ENOX1: variants seen among roughly 807,000 people sequenced by gnomAD.
The protein encoded by ENOX1 is candidate growth-related and time keeping constitutive hydroquinone (NADH) oxidase.
A neutral mutation model predicts 82.5 loss-of-function variants in ENOX1; 42 were observed. That is an observed-to-expected ratio of 0.51 (90% confidence interval 0.40 to 0.66). The LOEUF is 0.66. Ranked by LOEUF, ENOX1 falls within the 30% of genes least tolerant of loss-of-function variation. The probability of loss-of-function intolerance (pLI) is 0.00; values close to 1 mark genes in which losing one functional copy is unlikely to be tolerated. For synonymous variants in ENOX1, 271 were observed against 282.2 expected, an observed-to-expected ratio of 0.96 and a Z score of 0.40; for missense variants, 608 against 811.6, an observed-to-expected ratio of 0.75 and a Z score of 3.05.
intron 2 of ENOX1, among the ~76,000 whole-genome samples, chr13:43,510,009 C>CA (rs960164489): frequency 1.3e-5 from 2 of 152,040 alleles, no homozygotes; most frequent in Non-Finnish European, 2.9e-5. Context: ...TGGTACACAT[C>CA]AGACGTCTGT....
chr13:43,361,498 T>C, intron 5 of ENOX1, 46 bp from the exon 6 acceptor site: 1 of 1,557,308 alleles, frequency 6.4e-7, no homozygotes, highest in Non-Finnish European at 8.6e-7. Context: ...TTAAATCCAT[T>C]TTTGTTGTTG....
intron 12 of ENOX1, among the ~76,000 whole-genome samples, chr13:43,276,914 C>T (rs933543985): frequency 1.3e-5 from 2 of 152,192 alleles, no homozygotes; most frequent in African/African-American, 4.8e-5. Context: ...TAGTTTAAAA[C>T]GTCATCTGCT....
At chr13:43,240,881 G>C (rs1001536162) in intron 14 of ENOX1, among the ~76,000 whole-genome samples, 1 of 152,170 alleles carries the variant, frequency 6.6e-6, no homozygotes. Context: ...GAGCAGGCTT[G>C]CTTACACTTG....
chr13:43,465,828 G>T (rs535944286), intron 3 of ENOX1, among the ~76,000 whole-genome samples: 1 of 152,252 alleles, frequency 6.6e-6, no homozygotes, highest in Non-Finnish European at 1.5e-5. Context: ...TATGGAAATT[G>T]TCCTGACAAT....
At chr13:43,569,393 C>G (rs1189271829) in intron 2 of ENOX1, among the ~76,000 whole-genome samples, 1 of 152,168 alleles carries the variant, frequency 6.6e-6, no homozygotes, top group Non-Finnish European at 1.5e-5. Context: ...AACTAGGGCA[C>G]TTTCATTAAT....
rs140139351 is a variant in ENOX1, at chr13:43,305,497, A to G, written c.1262-6967T>C. 3.5e-3 allele frequency among the ~76,000 whole-genome samples: 538 copies of G among 152,202 alleles called. 2 individuals are homozygous for G. The highest frequency in any genetic ancestry group is 0.01 in the Middle Eastern group (3 of 294). On this transcript the variant is annotated intron_variant, in intron 11 of 16. Transcript: ENST00000690772. ...TAATTTCGGGAGTGCAGGGTAAGCT[A>G]GATCCTGTTACGATGATGGCTTAAA... is the stretch of plus-strand genomic sequence containing the variant.
At chr13:43,564,292 TA>T (rs1442357778) in intron 2 of ENOX1, among the ~76,000 whole-genome samples, 1 of 152,052 alleles carries the variant, frequency 6.6e-6, no homozygotes, top group Non-Finnish European at 1.5e-5. Flanking sequence ...ACAGAGTCAA[TA>T]CAATCCCTTT....
At chr13:43,712,057 C>T (rs2087759407) in intron 1 of ENOX1, among the ~76,000 whole-genome samples, 1 of 151,828 alleles carries the variant, frequency 6.6e-6, no homozygotes, top group African/African-American at 2.4e-5. Flanking sequence ...GGTTTTAGAT[C>T]TAACATTTAA....
At chr13:43,691,764 G>A (rs529694244) in intron 1 of ENOX1, among the ~76,000 whole-genome samples, 14 of 150,340 alleles carry the variant, frequency 9.3e-5, no homozygotes, top group South Asian at 2.1e-4. Flanking sequence ...GCAGTGGCGC[G>A]ATCTTGGCTC....
chr13:43,716,332 C>G (rs1206123993), intron 1 of ENOX1, among the ~76,000 whole-genome samples: 1 of 152,150 alleles, frequency 6.6e-6, no homozygotes, highest in Non-Finnish European at 1.5e-5. Context: ...CACTCCAGAC[C>G]CTGTTTGCCT....
At chr13:43,470,356 A>ATATATATATATATATG (rs1566307283) in intron 3 of ENOX1, among the ~76,000 whole-genome samples, 1 of 51,240 alleles carries the variant, frequency 2.0e-5, no homozygotes, top group South Asian at 1.0e-3. Context: ...ATATATATGT[A>ATATATATATATATATG]TATATATACG....
intron 1 of ENOX1, among the ~76,000 whole-genome samples, chr13:43,676,158 A>T (rs1316355437): frequency 6.6e-6 from 1 of 152,194 alleles, no homozygotes; most frequent in African/African-American, 2.4e-5. Context: ...CTCATCTGGA[A>T]TTCTTCATCC....
chr13:43,716,355 C>T (rs1374773364), intron 1 of ENOX1, among the ~76,000 whole-genome samples: 2 of 152,124 alleles, frequency 1.3e-5, no homozygotes, highest in Admixed American at 1.3e-4. Context: ...GTATCAGCAG[C>T]GGTGGCTGCA....
At chr13:43,275,750 G>A (rs1386257608) in intron 12 of ENOX1, among the ~76,000 whole-genome samples, 1 of 152,210 alleles carries the variant, frequency 6.6e-6, no homozygotes, top group Non-Finnish European at 1.5e-5. Flanking sequence ...GCTGGGCAAT[G>A]TGAAAGATAC....
intron 7 of ENOX1, among the ~76,000 whole-genome samples, chr13:43,356,870 A>C (rs2050192671): frequency 6.6e-6 from 1 of 152,116 alleles, no homozygotes; most frequent in Non-Finnish European, 1.5e-5. Flanking sequence ...GCAGCACCAC[A>C]CAAATTGTTC....
At chr13:43,702,985 T>TAAAAAAAA (rs2087007367) in intron 1 of ENOX1, among the ~76,000 whole-genome samples, 1 of 83,370 alleles carries the variant, frequency 1.2e-5, no homozygotes, top group South Asian at 4.1e-4. Flanking sequence ...AAAAAAAAAG[T>TAAAAAAAA]TTGAGGAAGC....
At chr13:43,387,009 G>C (rs2052454679) in intron 5 of ENOX1, among the ~76,000 whole-genome samples, 1 of 152,174 alleles carries the variant, frequency 6.6e-6, no homozygotes, top group African/African-American at 2.4e-5. Flanking sequence ...AGAAGATTTA[G>C]AGTCCTCTAA....
intron 2 of ENOX1, among the ~76,000 whole-genome samples, chr13:43,620,383 T>A (rs114046656): frequency 0.033 from 5,068 of 152,062 alleles, 248 homozygotes; most frequent in African/African-American, 0.11. Context: ...GTAGGGGTTT[T>A]GGGTTATGCT....
At chr13:43,755,158 A>G (rs1361180528) in intron 1 of ENOX1, among the ~76,000 whole-genome samples, 1 of 152,084 alleles carries the variant, frequency 6.6e-6, no homozygotes, top group Non-Finnish European at 1.5e-5. Flanking sequence ...AAAAAAATCA[A>G]TGCATGTTCC....
Sources: allele counts gnomAD v4.1 joint callset (sites outside exome capture counted in the v4.1 genomes callset), GRCh38; gene constraint gnomAD v4.1.1; transcripts MANE v1.5; gene names NCBI Gene and HGNC (gene_info 2026-07-23, HGNC 2026-07-21).